FAAH2: variants seen among roughly 807,000 people sequenced by gnomAD.
The protein encoded by FAAH2 is fatty acid amide hydrolase 2.
FAAH2 carries 60 observed loss-of-function variants against 36.9 expected under a neutral mutation model. That is an observed-to-expected ratio of 1.63 (90% CI 1.32 to 2.02). The LOEUF (loss-of-function observed/expected upper bound fraction) is 2.02, where lower values mean the gene tolerates loss of function less well. Ranked by LOEUF, FAAH2 falls within the 30% of genes most tolerant of loss-of-function variation. The pLI is 0.00. For synonymous variants in FAAH2, 214 were observed against 143.8 expected (o/e 1.49, Z -3.49); for missense variants, 689 against 397.5 (o/e 1.73, Z -6.23).
At chrX:57,124,821 A>G in the FAAH2 span, among the ~76,000 whole-genome samples, 1 of 112,021 alleles carries the variant, frequency 8.9e-6, no homozygotes, top group Non-Finnish European at 1.9e-5. Context: ...TTATTGATGT[A>G]TAAGAATGCT....
chrX:57,357,820 C>A (rs1257252284), intron 5 of FAAH2, among the ~76,000 whole-genome samples: 2 of 111,474 alleles, frequency 1.8e-5, no homozygotes, highest in Non-Finnish European at 3.8e-5. Context: ...TTTGACCCAG[C>A]AATCCTTTTA....
intron 4 of FAAH2, among the ~76,000 whole-genome samples, chrX:57,332,478 C>T (rs1432033953): frequency 8.9e-6 from 1 of 111,864 alleles, no homozygotes; most frequent in Non-Finnish European, 1.9e-5. Context: ...AACGGGAAAA[C>T]CACTCTTCCC....
chrX:57,271,426 C>G, the FAAH2 span, among the ~76,000 whole-genome samples: 7 of 112,175 alleles, frequency 6.2e-5, no homozygotes, highest in African/African-American at 1.3e-4. Flanking sequence ...AAGGGTCAGA[C>G]AGCCTCCACA....
intron 5 of FAAH2, among the ~76,000 whole-genome samples, chrX:57,350,613 G>T (rs767854236): frequency 9.0e-6 from 1 of 110,908 alleles, no homozygotes; most frequent in African/African-American, 3.3e-5. Context: ...TTACAAGAAA[G>T]TTACTTTATT....
At chrX:57,209,886 G>A in the FAAH2 span, among the ~76,000 whole-genome samples, 1 of 110,478 alleles carries the variant, frequency 9.1e-6, no homozygotes, top group East Asian at 2.9e-4. Flanking sequence ...AGTCCCCTCT[G>A]GCTATGACTG....
intron 5 of FAAH2, among the ~76,000 whole-genome samples, chrX:57,367,545 T>C (rs1374414173): frequency 8.9e-6 from 1 of 112,411 alleles, no homozygotes. Context: ...GCAAAAACAA[T>C]GAATAAACAA....
intron 5 of FAAH2, among the ~76,000 whole-genome samples, chrX:57,373,335 C>T (rs1170943987): frequency 1.8e-5 from 2 of 110,804 alleles, no homozygotes; most frequent in Admixed American, 9.6e-5. Context: ...TACTAGTTTA[C>T]ACTCCCATCA....
At chrX:57,435,761 G>A (rs934781983) in intron 8 of FAAH2, among the ~76,000 whole-genome samples, 7 of 110,769 alleles carry the variant, frequency 6.3e-5, no homozygotes, top group African/African-American at 2.3e-4. Flanking sequence ...GACTTCAACT[G>A]CGCACTCACA....
chrX:57,393,354 C>T, intron 7 of FAAH2: 1 of 747,189 alleles, frequency 1.3e-6, no homozygotes, highest in Non-Finnish European at 2.1e-6. Flanking sequence ...ACAGTGGCAA[C>T]AAGCACCACC....
the FAAH2 span, among the ~76,000 whole-genome samples, chrX:57,178,216 A>G: frequency 1.8e-5 from 2 of 112,158 alleles, no homozygotes; most frequent in East Asian, 5.6e-4. Flanking sequence ...GCTTTCTCAA[A>G]TGCCAGCTCT....
chrX:57,234,038 G>A, the FAAH2 span, among the ~76,000 whole-genome samples: 1 of 112,708 alleles, frequency 8.9e-6, no homozygotes, highest in Admixed American at 9.3e-5. Context: ...TTGAACTTTG[G>A]ATAATGAATA....
At chrX:57,201,868 G>A in the FAAH2 span, among the ~76,000 whole-genome samples, 28 of 111,267 alleles carry the variant, frequency 2.5e-4, no homozygotes, top group African/African-American at 8.8e-4. Context: ...TTTTCAAATA[G>A]CCTGTCTTCT....
intron 10 of FAAH2, among the ~76,000 whole-genome samples, chrX:57,472,213 C>T (rs1602783714): frequency 8.9e-6 from 1 of 111,964 alleles, no homozygotes; most frequent in African/African-American, 3.2e-5. Flanking sequence ...ACACCAAAAG[C>T]AATGGCAACA....
intron 5 of FAAH2, among the ~76,000 whole-genome samples, chrX:57,369,383 G>A (rs1256239609): frequency 1.8e-5 from 2 of 110,846 alleles, no homozygotes; most frequent in African/African-American, 6.6e-5. Flanking sequence ...GAAGCTCAAA[G>A]GACTCCAGAT....
At chrX:57,208,804 T>C in the FAAH2 span, among the ~76,000 whole-genome samples, 2 of 112,111 alleles carry the variant, frequency 1.8e-5, no homozygotes, top group Non-Finnish European at 3.8e-5. Flanking sequence ...GGGCTCTGGC[T>C]AGTTATCTGC....
intron 5 of FAAH2, among the ~76,000 whole-genome samples, chrX:57,358,575 A>C (rs1311322192): frequency 9.0e-6 from 1 of 111,332 alleles, no homozygotes; most frequent in Non-Finnish European, 1.9e-5. Context: ...GTGTGTGTAT[A>C]TATATAGAGA....
chrX:57,488,978 T>A lies in FAAH2; in HGVS notation c.*46T>A. On this transcript the variant is annotated 3_prime_UTR_variant, in exon 11 of 11. Coordinates refer to ENST00000374900, the MANE Select transcript of FAAH2 (RefSeq NM_174912.4). ...ATGTGTGTGTGTGTTTGTGTTCGTG[T>A]GGTGGTGTTTCTATTAATTGGGTGA... 1 of 1,129,633 alleles carries A rather than the reference T, an allele frequency of 8.9e-7. No homozygotes were observed. The allele number at this position is 1,129,633 out of a possible 1,213,427, so 93.1% of individuals were successfully genotyped here.
chrX:57,366,428 A>G (rs999818849), intron 5 of FAAH2, among the ~76,000 whole-genome samples: 3 of 112,005 alleles, frequency 2.7e-5, no homozygotes, highest in African/African-American at 6.5e-5. Context: ...GGAGGGGCCA[A>G]TGTGTTCCCA....
At chrX:57,460,562 G>A (rs1031028448) in intron 10 of FAAH2, among the ~76,000 whole-genome samples, 9 of 111,769 alleles carry the variant, frequency 8.1e-5, no homozygotes, top group Admixed American at 1.9e-4. Context: ...AGCTTCATAA[G>A]CAAATGAGAA....
Sources: allele counts gnomAD v4.1 joint callset (sites outside exome capture counted in the v4.1 genomes callset), GRCh38; gene constraint gnomAD v4.1.1; transcripts MANE v1.5; gene names NCBI Gene and HGNC (gene_info 2026-07-23, HGNC 2026-07-21).